TESMIN: variants seen among roughly 807,000 people sequenced by gnomAD.
TESMIN encodes the protein testis expressed metallothionein like protein, also known as CXC domain containing 2.
In TESMIN, 34 loss-of-function variants were observed where a neutral mutation model predicts 47.4. That is an observed-to-expected ratio of 0.72 (90% CI 0.55 to 0.96). The LOEUF (loss-of-function observed/expected upper bound fraction) is 0.96. Ranked by LOEUF, TESMIN falls within the 40% of genes least tolerant of loss-of-function variation. TESMIN has a pLI of 0.00. For synonymous variants in TESMIN, 278 were observed against 258.9 expected, an observed-to-expected ratio of 1.07 and a Z score of -0.71; for missense variants, 610 against 637.2, an observed-to-expected ratio of 0.96 and a Z score of 0.46.
chr11:68,726,140 C>T (rs1946260845), intron 6 of TESMIN, among the ~76,000 whole-genome samples: 1 of 152,054 alleles, frequency 6.6e-6, no homozygotes, highest in Non-Finnish European at 1.5e-5. Flanking sequence ...AAGGCACACT[C>T]AGGGTAGAAG....
downstream of TESMIN, among the ~76,000 whole-genome samples, chr11:68,706,410 G>C (rs929595020): frequency 6.6e-6 from 1 of 152,208 alleles, no homozygotes; most frequent in Non-Finnish European, 1.5e-5. Context: ...GTGCAAAGTG[G>C]GGGGCCTGTA....
At chr11:68,709,478 G>A (rs956888589) in intron 9 of TESMIN, among the ~76,000 whole-genome samples, 3 of 152,346 alleles carry the variant, frequency 2.0e-5, no homozygotes, top group Non-Finnish European at 2.9e-5. Context: ...AAGAGGTTCT[G>A]GAAGACAAGT....
intron 6 of TESMIN, among the ~76,000 whole-genome samples, chr11:68,726,318 TAA>T (rs549343255): frequency 6.7e-6 from 1 of 149,764 alleles, no homozygotes; most frequent in Non-Finnish European, 1.5e-5. Flanking sequence ...TGCAGCCTAA[TAA>T]AAAAAAAATT....
chr11:68,736,058 C>G, intron 6 of TESMIN: 1 of 983,850 alleles, frequency 1.0e-6, no homozygotes, highest in African/African-American at 1.7e-5. Context: ...AACTCTGCCT[C>G]AGAAAAGCAT....
At chr11:68,736,463 AC>A (rs1204229481) in intron 6 of TESMIN, 1 of 985,338 alleles carries the variant, frequency 1.0e-6, no homozygotes, top group Non-Finnish European at 1.2e-6. Flanking sequence ...TTGGGAACTC[AC>A]ACGGAATGAA....
Position 68,747,041 on chromosome 11 carries a change from G to C in TESMIN, c.630+167C>G, listed in dbSNP as rs559265451. 13 of 653,630 alleles carry C rather than the reference G, an allele frequency of 2.0e-5. No homozygotes were observed. The East Asian group carries it at 3.6e-4, about 18-fold the overall frequency. 40.5% of individuals were successfully genotyped at this position (653,630 alleles called of 1,614,324 possible). ...GAGTAGAAATGAGAATCTTAGAGGT[G>C]AGATGTGAAAGGCTCATGTCCCTGT... On this transcript the variant is annotated intron_variant, in intron 3 of 9. Transcript: ENST00000255087.
intron 6 of TESMIN, chr11:68,736,675 G>A: frequency 1.0e-6 from 1 of 982,310 alleles, no homozygotes; most frequent in Non-Finnish European, 1.2e-6. Context: ...GTTTACAATA[G>A]AGAAATATTT....
At chr11:68,737,970 C>A in intron 6 of TESMIN, 1 of 985,848 alleles carries the variant, frequency 1.0e-6, no homozygotes, top group Non-Finnish European at 1.2e-6. Flanking sequence ...AACAAACAAA[C>A]ACCTCTTGGA....
intron 2 of TESMIN, among the ~76,000 whole-genome samples, chr11:68,748,771 G>T (rs1160655129): frequency 6.6e-6 from 1 of 152,172 alleles, no homozygotes; most frequent in Non-Finnish European, 1.5e-5. Context: ...TGTCAGACCA[G>T]CAATCTCTTA....
At chr11:68,724,334 A>T (rs1946236316) in intron 6 of TESMIN, among the ~76,000 whole-genome samples, 1 of 152,210 alleles carries the variant, frequency 6.6e-6, no homozygotes. Context: ...TATAATTCCG[A>T]TAATTATAAT....
intron 8 of TESMIN, among the ~76,000 whole-genome samples, chr11:68,712,426 C>T (rs906398658): frequency 6.6e-6 from 1 of 152,188 alleles, no homozygotes; most frequent in Non-Finnish European, 1.5e-5. Flanking sequence ...TTCTCAAGCC[C>T]AACCCTCTGT....
intron 6 of TESMIN, chr11:68,737,410 T>C (rs1289212990): frequency 3.0e-6 from 3 of 985,430 alleles, no homozygotes; most frequent in African/African-American, 1.7e-5. Context: ...CTGATAGCGT[T>C]GATCGGTTCC....
intron 6 of TESMIN, among the ~76,000 whole-genome samples, chr11:68,735,339 C>T (rs779333490): frequency 5.9e-5 from 9 of 152,098 alleles, no homozygotes; most frequent in Admixed American, 1.3e-4. Context: ...TCCAGAGGAA[C>T]GAAAACTGTT....
chr11:68,709,649 G>A (rs888919562), intron 9 of TESMIN, among the ~76,000 whole-genome samples: 1 of 152,130 alleles, frequency 6.6e-6, no homozygotes, highest in Non-Finnish European at 1.5e-5. Flanking sequence ...GCAAAATGTT[G>A]GATTAAAGTC....
intron 3 of TESMIN, among the ~76,000 whole-genome samples, chr11:68,745,520 C>T (rs1946509550): frequency 6.6e-6 from 1 of 152,166 alleles, no homozygotes; most frequent in Non-Finnish European, 1.5e-5. Flanking sequence ...CCATTCAGCC[C>T]CAGTGGGCAC....
intron 6 of TESMIN, chr11:68,737,967 A>T (rs1946407878): frequency 1.0e-6 from 1 of 985,958 alleles, no homozygotes; most frequent in African/African-American, 1.7e-5. Flanking sequence ...ACAAACAAAC[A>T]AACACCTCTT....
chr11:68,737,500 T>G, intron 6 of TESMIN: 1 of 985,742 alleles, frequency 1.0e-6, no homozygotes, highest in Non-Finnish European at 1.2e-6. Flanking sequence ...CACGAAGCCA[T>G]GCCCGATGGC....
At chr11:68,740,315 GA>G (rs1197950044) in intron 5 of TESMIN, among the ~76,000 whole-genome samples, 1 of 152,190 alleles carries the variant, frequency 6.6e-6, no homozygotes, top group Non-Finnish European at 1.5e-5. Flanking sequence ...GTCTGGCAAG[GA>G]AGCAAACGAT....
At chr11:68,715,439 C>T (rs80053720) in intron 7 of TESMIN, among the ~76,000 whole-genome samples, 10,159 of 152,248 alleles carry the variant, frequency 0.067, 377 homozygotes, top group Middle Eastern at 0.15. Context: ...GCTGCCTGAT[C>T]ACTTTCCCCT....
Sources: gnomAD v4.1 joint callset for allele counts (sites outside exome capture counted in the v4.1 genomes callset) on GRCh38, gnomAD v4.1.1 for gene constraint, MANE v1.5 for transcripts, NCBI Gene and HGNC (gene_info 2026-07-23, HGNC 2026-07-21) for gene names.